Variants in TAF10 observed in about 807,000 individuals in gnomAD.
TAF10 encodes transcription initiation factor TFIID subunit 10.
Under a neutral mutation model 18.1 loss-of-function variants are expected in TAF10, and 2 were observed. The ratio of observed to expected loss-of-function variants is 0.11; its 90% CI spans 0.05 to 0.35. The LOEUF is 0.35. Among genes scored for constraint, TAF10 ranks in the 10% least tolerant of loss-of-function variants. TAF10 has a pLI of 1.00. For synonymous variants in TAF10, 158 were observed against 134.6 expected, an observed-to-expected ratio of 1.17 and a Z score of -1.20; for missense variants, 293 against 306.9, an observed-to-expected ratio of 0.95 and a Z score of 0.34.
Position 6,609,533 on chromosome 11 carries a change from G to T in TAF10, c.*1389C>A. On this transcript the variant is annotated 3_prime_UTR_variant, in exon 5 of 5. Transcript: ENST00000299424. ...CTAGGATTTTCTCGCATCCAAATGT[G>T]CTCCCAGTGCTAGGTGCCTGCCAGT... 6.2e-7 allele frequency: 1 copy of T among 1,614,058 alleles called. No homozygotes were observed. Among genetic ancestry groups the T allele is most frequent in the South Asian group, 1.1e-5 (1 of 91,072 alleles).
chr11:6,609,050 C>G lies in TAF10; in HGVS notation c.*1872G>C. Reference sequence around the variant, plus strand: ...GCTGGGTTAGGGTGAAGCTGGGTACCTGACCTGCCCACACTCTTAGGAAAT... The same window carrying G: ...GCTGGGTTAGGGTGAAGCTGGGTACGTGACCTGCCCACACTCTTAGGAAAT... On this transcript the variant is annotated 3_prime_UTR_variant, in exon 5 of 5. Transcript: ENST00000299424. 6.2e-7 allele frequency: 1 copy of G among 1,612,908 alleles called. No homozygotes were observed. Among genetic ancestry groups the G allele is most frequent in the Non-Finnish European group, 8.5e-7 (1 of 1,178,872 alleles).
In TAF10 at chr11:6,609,460, C is replaced by T. The variant is rs757916284; in HGVS notation, c.*1462G>A. The T allele has an allele frequency of 6.8e-6, 11 of 1,613,998 alleles. No individual in the cohort carries two copies. The highest frequency in any genetic ancestry group is 9.3e-6 in the Non-Finnish European group (11 of 1,179,910). On this transcript the variant is annotated 3_prime_UTR_variant, in exon 5 of 5. Transcript: ENST00000299424. ...GCTAGTTCCAAGGAACCCTGAATAGCACTGAAAGAGATCTTTTGTACTGGG... is the reference window on the plus strand; with the variant it reads ...GCTAGTTCCAAGGAACCCTGAATAGTACTGAAAGAGATCTTTTGTACTGGG...
In TAF10 at chr11:6,611,259, A is replaced by G; in HGVS notation, c.497T>C (p.Ile166Thr). The G allele has an allele frequency of 6.2e-7, 1 of 1,614,084 alleles. No individual in the cohort carries two copies. Among genetic ancestry groups the G allele is most frequent in the Non-Finnish European group, 8.5e-7 (1 of 1,180,026 alleles). Residue 166 changes from isoleucine to threonine, a missense_variant, in exon 4 of 5, where the codon ATT (isoleucine) becomes ACT (threonine). Coordinates refer to ENST00000299424, the MANE Select transcript of TAF10 (RefSeq NM_006284.4). ...GCAGTGCTGTAGGGCATCATTGGCA[A>G]TATCTGAGATGAATTTCTGGGCAGC... Reference protein sequence around the residue: ...SLAAQKFISDIANDALQHCKM... With the variant: ...SLAAQKFISDTANDALQHCKM...
In TAF10 at chr11:6,611,941, C is replaced by T. The variant is rs1323706272; in HGVS notation, c.232+17G>A. The stretch of plus-strand genomic sequence containing the variant: ...GCCCAAGACGCTTCCCTCGCCCTCA[C>T]CCGTCCCGGCCCTCACCCGCCCCAC... On this transcript the variant is annotated intron_variant, in intron 1 of 4. Transcript: ENST00000299424. 2.5e-6 allele frequency: 4 copies of T among 1,574,330 alleles called. No individual in the cohort carries two copies. Among genetic ancestry groups the T allele is most frequent in the Non-Finnish European group, 3.4e-6 (4 of 1,167,654 alleles).
In TAF10 at chr11:6,608,635, G is replaced by GT. The variant is rs1197384257; in HGVS notation, c.*2286dup. The stretch of plus-strand genomic sequence containing the variant: ...TTCTACATTTGTGCATTCATGGTTG[G>GT]TTCAGTGACTGCCAGCGAGGTAGCA... On this transcript the variant is annotated 3_prime_UTR_variant, in exon 5 of 5. Coordinates refer to ENST00000299424, the MANE Select transcript of TAF10 (RefSeq NM_006284.4). This position sits in a 1 kb window ranked among gnomAD's most constrained non-coding sequence, Gnocchi z 4.9. 4.5e-5 allele frequency: 65 copies of GT among 1,456,326 alleles called. No homozygotes were observed. The highest frequency in any genetic ancestry group is 5.8e-5 in the Non-Finnish European group (60 of 1,036,058). 90.2% of individuals were successfully genotyped at this position (1,456,326 alleles called of 1,614,324 possible). A position where few individuals can be genotyped will look rare whatever the true frequency, so the allele number is the denominator to read the frequency against.
At position 6,609,387 on chromosome 11, in the gene TAF10, ATG is replaced by A; in HGVS notation, c.*1533_*1534del. ...AGTACAAGGAAGAGCAGGGACTTCAATGAAGAGTGTCCCCGGCTCAGGTAGTG... is the reference window on the plus strand; with the variant it reads ...AGTACAAGGAAGAGCAGGGACTTCAAAAGAGTGTCCCCGGCTCAGGTAGTG... On this transcript the variant is annotated 3_prime_UTR_variant, in exon 5 of 5. Transcript: ENST00000299424. The A allele has an allele frequency of 6.2e-7, 1 of 1,614,014 alleles. No individual in the cohort carries two copies. Among genetic ancestry groups the A allele is most frequent in the Non-Finnish European group, 8.5e-7 (1 of 1,179,976 alleles).
At position 6,609,875 on chromosome 11, in the gene TAF10, GC is replaced by G; in HGVS notation, c.*1046del. 1 of 1,614,174 alleles carries G rather than the reference GC, an allele frequency of 6.2e-7. No individual in the cohort carries two copies. The highest frequency in any genetic ancestry group is 8.5e-7 in the Non-Finnish European group (1 of 1,180,040). ...GGCCACAAGCTCACTCCTGGCCCAG[GC>G]CCCAAAAGCCCTTTGCCTATCTATG... On this transcript the variant is annotated 3_prime_UTR_variant, in exon 5 of 5. Transcript: ENST00000299424.
In TAF10 at chr11:6,607,695, T is replaced by G. The variant is rs183179212; in HGVS notation, c.*3227A>C. 3 of 344,002 alleles carry G rather than the reference T, an allele frequency of 8.7e-6. No homozygotes were observed. The Admixed American group carries it at 1.3e-4, about 15-fold the overall frequency. 21.3% of individuals were successfully genotyped at this position (344,002 alleles called of 1,614,324 possible). On this transcript the variant is annotated 3_prime_UTR_variant, in exon 5 of 5. Transcript: ENST00000299424. ...CAATCCAGTGCAACAAGTGCTGAAG[T>G]AGGGGGACATATAAGATGTGGTGGA...
In TAF10 at chr11:6,610,758, C is replaced by G. The variant is rs1488141702; in HGVS notation, c.*164G>C. On this transcript the variant is annotated 3_prime_UTR_variant, in exon 5 of 5. Transcript: ENST00000299424. ...TGGGGTCCATCCCCTTCCCCCATCC[C>G]TACCACTGTGGCCCCAAGAGGGGCG... The G allele has an allele frequency of 1.5e-6, 2 of 1,338,882 alleles. No homozygotes were observed. Among genetic ancestry groups the G allele is most frequent in the Non-Finnish European group, 2.1e-6 (2 of 945,728 alleles). 82.9% of individuals were successfully genotyped at this position (1,338,882 alleles called of 1,614,324 possible).
intron 2 of TAF10, 80 bp downstream of exon 2, chr11:6,611,584 T>C (rs1341725630): frequency 6.3e-7 from 1 of 1,588,794 alleles, no homozygotes; most frequent in Non-Finnish European, 8.6e-7. Flanking sequence ...GGGGAGCAAA[T>C]GGAAGAGAAC....
At position 6,609,652 on chromosome 11, in the gene TAF10, G is replaced by A. The variant is rs895366229; in HGVS notation, c.*1270C>T. 1.2e-6 allele frequency: 2 copies of A among 1,614,210 alleles called. No homozygotes were observed. The stretch of plus-strand genomic sequence containing the variant: ...CATGAAGGCACCAGTGAGTAGGGAT[G>A]TTGAATTTCCTTGGGGAGGAAATGG... On this transcript the variant is annotated 3_prime_UTR_variant, in exon 5 of 5. Coordinates refer to ENST00000299424, the MANE Select transcript of TAF10 (RefSeq NM_006284.4).
rs1427320498 is a variant in TAF10, at chr11:6,608,083, C to T, written c.*2839G>A. The T allele has an allele frequency of 1.2e-6, 2 of 1,614,108 alleles. No individual in the cohort carries two copies. The highest frequency in any genetic ancestry group is 1.7e-6 in the Non-Finnish European group (2 of 1,180,014). On this transcript the variant is annotated 3_prime_UTR_variant, in exon 5 of 5. Coordinates refer to ENST00000299424, the MANE Select transcript of TAF10 (RefSeq NM_006284.4). The surrounding 1 kb of genome is among the most constrained non-coding windows in gnomAD (Gnocchi z 4.9). ...CTTCTCCCCCTTGCACTGGGCCTGCCGAGAGGGCCGCTCTGCTGTGGTTGA... is the reference window on the plus strand; with the variant it reads ...CTTCTCCCCCTTGCACTGGGCCTGCTGAGAGGGCCGCTCTGCTGTGGTTGA...
Position 6,612,133 on chromosome 11 carries a change from CGAGGCGGCG to C in TAF10, c.48_56del (p.Ala18_Ala20del), listed in dbSNP as rs1331746965. 2 of 1,206,818 alleles carry C rather than the reference CGAGGCGGCG, an allele frequency of 1.7e-6. No homozygotes were observed. Among genetic ancestry groups the C allele is most frequent in the Non-Finnish European group, 1.0e-6 (1 of 973,440 alleles). 74.8% of individuals were successfully genotyped at this position (1,206,818 alleles called of 1,614,324 possible). A position where few individuals can be genotyped will look rare whatever the true frequency, so the allele number is the denominator to read the frequency against. ...AGACCGGGGGCGCGGGGCCCGGGGCCGAGGCGGCGGAGGCCGGCGCCGCCTCGGGGTCCG... is the reference window on the plus strand; with the variant it reads ...AGACCGGGGGCGCGGGGCCCGGGGCCGAGGCCGGCGCCGCCTCGGGGTCCG... On this transcript the variant is annotated inframe_deletion, in exon 1 of 5. Transcript: ENST00000299424.
chr11:6,611,796 C>A lies in TAF10; in HGVS notation c.255G>T (p.Ala85=), dbSNP rs377189692. The change falls in exon 2 of 5, where the codon GCG becomes GCT. Residue 85 remains alanine, a synonymous_variant. Coordinates refer to ENST00000299424, the MANE Select transcript of TAF10 (RefSeq NM_006284.4). ...RGAAPVSAGG[A]APPEGAISNG... ...TAGATATGGCCCCCTCCGGGGGCGCCGCGCCACCCGCCGACACCGGAGCTG... is the reference window on the plus strand; with the variant it reads ...TAGATATGGCCCCCTCCGGGGGCGCAGCGCCACCCGCCGACACCGGAGCTG... 5 of 1,601,486 alleles carry A rather than the reference C, an allele frequency of 3.1e-6. No homozygotes were observed. The highest frequency in any genetic ancestry group is 4.3e-6 in the Non-Finnish European group (5 of 1,174,294).
At chr11:6,611,898 C>T (rs562863323) in intron 1 of TAF10, 60 bp downstream of exon 1, 1 of 1,558,032 alleles carries the variant, frequency 6.4e-7, no homozygotes, top group South Asian at 1.2e-5. Context: ...CCTCTGCCCT[C>T]ACCCGCCGCT....
Position 6,609,510 on chromosome 11 carries a change from AG to A in TAF10, c.*1411del, listed in dbSNP as rs1305382652. On this transcript the variant is annotated 3_prime_UTR_variant, in exon 5 of 5. Transcript: ENST00000299424. ...GTCTCAACCACTCCCTCCCTCTTCT[AG>A]GATTTTCTCGCATCCAAATGTGCTC... The A allele has an allele frequency of 6.2e-7, 1 of 1,614,118 alleles. No homozygotes were observed. The highest frequency in any genetic ancestry group is 2.2e-5 in the East Asian group (1 of 44,876).
In TAF10 at chr11:6,610,106, G is replaced by C; in HGVS notation, c.*816C>G. ...AAGTAGTGGAAGGGGGCAGAGACAG[G>C]ACAGGCAAGGGGGCCAGAACAGACA... On this transcript the variant is annotated 3_prime_UTR_variant, in exon 5 of 5. Coordinates refer to ENST00000299424, the MANE Select transcript of TAF10 (RefSeq NM_006284.4). The C allele has an allele frequency of 1.4e-5, 22 of 1,613,902 alleles. No homozygotes were observed. The highest frequency in any genetic ancestry group is 1.9e-5 in the Non-Finnish European group (22 of 1,179,834).
chr11:6,608,894 G>A lies in TAF10; in HGVS notation c.*2028C>T. ...GTTTTTCTTCCCTAGAGCGGGCAGA[G>A]AAGATGGGCCAGAATCTCAACCGTA... is the stretch of plus-strand genomic sequence containing the variant. On this transcript the variant is annotated 3_prime_UTR_variant, in exon 5 of 5. Transcript: ENST00000299424. This position sits in a 1 kb window ranked among gnomAD's most constrained non-coding sequence, Gnocchi z 4.9. The A allele has an allele frequency of 6.2e-7, 1 of 1,614,230 alleles. No individual in the cohort carries two copies. The highest frequency in any genetic ancestry group is 8.5e-7 in the Non-Finnish European group (1 of 1,180,044).
rs1323106962 is a variant in TAF10 at position 6,610,599 on chromosome 11, G to A, written c.*323C>T. ...TGATTGTGCCTATCCTTGAGAAGAT[G>A]CAGGACAAGTAGGACTGGAAGGTCC... On this transcript the variant is annotated 3_prime_UTR_variant, in exon 5 of 5. Transcript: ENST00000299424. The A allele has an allele frequency of 4.2e-5, 68 of 1,614,110 alleles. No homozygotes were observed. Among genetic ancestry groups the A allele is most frequent in the Non-Finnish European group, 5.6e-5 (66 of 1,180,034 alleles).
Sources: allele counts gnomAD v4.1 joint callset, GRCh38; gene constraint gnomAD v4.1.1; non-coding constraint Gnocchi (gnomAD v3.1); transcripts MANE v1.5; gene names NCBI Gene and HGNC (gene_info 2026-07-23, HGNC 2026-07-21).